Variants in RNFT2 observed in about 807,000 individuals in gnomAD.
RNFT2 encodes the protein E3 ubiquitin-protein ligase RNFT2.
Under a neutral mutation model 53.0 loss-of-function variants are expected in RNFT2, and 36 were observed. The ratio of observed to expected loss-of-function variants is 0.68; its 90% CI spans 0.52 to 0.90. The LOEUF is 0.90. Ranked by LOEUF, RNFT2 falls within the 40% of genes least tolerant of loss-of-function variation. The pLI is 0.00. For synonymous variants in RNFT2, 260 were observed against 253.2 expected, an observed-to-expected ratio of 1.03 and a Z score of -0.26; for missense variants, 514 against 585.6, an observed-to-expected ratio of 0.88 and a Z score of 1.26.
At chr12:116,783,947 G>C (rs74331018) in intron 7 of RNFT2, among the ~76,000 whole-genome samples, 1 of 152,178 alleles carries the variant, frequency 6.6e-6, no homozygotes, top group African/African-American at 2.4e-5. Context: ...CAAACTCATT[G>C]AGTCATGACC....
At position 116,836,007 on chromosome 12, in the gene RNFT2, G is replaced by C. The variant is rs1349081553; in HGVS notation, c.1080G>C (p.Lys360Asn). The part of the protein sequence containing the change: ...GRVGGVRKAL[K>N]LLCTSQNYGV... ...TGGGCGGAGTTAGGAAAGCCCTGAAGCTTCTCTGTACCTCTCAGGTGAGTT... is the reference window on the plus strand; with the variant it reads ...TGGGCGGAGTTAGGAAAGCCCTGAACCTTCTCTGTACCTCTCAGGTGAGTT... The change falls in exon 9 of 11, where the codon AAG (lysine) becomes AAC (asparagine). Residue 360 changes from lysine (K) to asparagine (N), a missense_variant. By Grantham distance (94) the Lys-to-Asn change is moderately conservative. Coordinates refer to ENST00000257575, the MANE Select transcript of RNFT2 (RefSeq NM_001382266.1). 1.9e-6 allele frequency: 3 copies of C among 1,613,998 alleles called. No homozygotes were observed. The Admixed American group carries it at 5.0e-5, about 27-fold the overall frequency.
At chr12:116,783,264 C>T (rs558530217) in intron 7 of RNFT2, among the ~76,000 whole-genome samples, 12 of 152,334 alleles carry the variant, frequency 7.9e-5, no homozygotes, top group African/African-American at 2.6e-4. Flanking sequence ...GCTGTCTGAC[C>T]TCTGAGAATC....
At chr12:116,821,934 A>G (rs895892645) in intron 7 of RNFT2, among the ~76,000 whole-genome samples, 1 of 147,342 alleles carries the variant, frequency 6.8e-6, no homozygotes, top group Non-Finnish European at 1.5e-5. Context: ...TCCCGGGTTC[A>G]AGCCATTCTC....
intron 7 of RNFT2, among the ~76,000 whole-genome samples, chr12:116,820,482 G>A (rs775513239): frequency 1.1e-4 from 17 of 152,170 alleles, no homozygotes; most frequent in African/African-American, 3.1e-4. Context: ...GATTGGCTGT[G>A]GTGGATATGG....
intron 3 of RNFT2, among the ~76,000 whole-genome samples, chr12:116,744,225 C>A (rs75518948): frequency 0.025 from 2,498 of 98,940 alleles, no homozygotes; most frequent in African/African-American, 0.045. Context: ...GACTCCTCCT[C>A]AAAAAAAAAA....
chr12:116,761,312 C>A (rs1246571323), intron 5 of RNFT2, among the ~76,000 whole-genome samples: 3 of 151,374 alleles, frequency 2.0e-5, no homozygotes, highest in Admixed American at 6.6e-5. Flanking sequence ...CCACGCCTAG[C>A]TAATTTTGTA....
intron 7 of RNFT2, among the ~76,000 whole-genome samples, chr12:116,784,852 A>G (rs574708092): frequency 2.6e-5 from 4 of 151,684 alleles, no homozygotes; most frequent in African/African-American, 7.3e-5. Flanking sequence ...GTCCACTCCA[A>G]CCCCCTCCAC....
At chr12:116,811,896 A>T (rs958271145) in intron 7 of RNFT2, among the ~76,000 whole-genome samples, 4 of 152,160 alleles carry the variant, frequency 2.6e-5, no homozygotes, top group Non-Finnish European at 4.4e-5. Flanking sequence ...AGTTACCAAT[A>T]GGCACCAGCC....
At chr12:116,796,002 G>A (rs1447116212) in intron 7 of RNFT2, among the ~76,000 whole-genome samples, 2 of 151,908 alleles carry the variant, frequency 1.3e-5, no homozygotes, top group African/African-American at 2.4e-5. Flanking sequence ...TCTGCCTCCC[G>A]GGTTCAAGTG....
intron 7 of RNFT2, among the ~76,000 whole-genome samples, chr12:116,828,825 C>T (rs1333610789): frequency 6.6e-6 from 1 of 151,862 alleles, no homozygotes; most frequent in Non-Finnish European, 1.5e-5. Flanking sequence ...TAGGGGTGCA[C>T]TGAATGTAGG....
rs1206810004 is a variant in RNFT2, at chr12:116,779,362, G to A, written c.882+14G>A. On this transcript the variant is annotated intron_variant, in intron 7 of 10. Coordinates refer to ENST00000257575, the MANE Select transcript of RNFT2 (RefSeq NM_001382266.1). ...GTCAAGTCCAAGGTAGGCACTGGCT[G>A]CGGCCACAAGGTAGCCCCAGTCACA... 4 of 1,613,688 alleles carry A rather than the reference G, an allele frequency of 2.5e-6. No individual in the cohort carries two copies. The highest frequency in any genetic ancestry group is 2.5e-6 in the Non-Finnish European group (3 of 1,179,810).
At chr12:116,766,780 C>G (rs915807341) in intron 5 of RNFT2, 34 bp from the exon 6 acceptor site, 1 of 1,512,076 alleles carries the variant, frequency 6.6e-7, no homozygotes, top group Admixed American at 1.9e-5. Context: ...CCACATGCAC[C>G]TTTGATATCA....
intron 7 of RNFT2, among the ~76,000 whole-genome samples, chr12:116,814,881 C>T (rs759025561): frequency 4.6e-5 from 7 of 152,160 alleles, no homozygotes; most frequent in Middle Eastern, 3.4e-3. Flanking sequence ...GTTTCACCTG[C>T]GTGCAAGCAT....
chr12:116,750,920 G>A (rs1465580438), intron 4 of RNFT2, among the ~76,000 whole-genome samples: 1 of 94,202 alleles, frequency 1.1e-5, no homozygotes, highest in South Asian at 3.1e-4. Flanking sequence ...TTTTTTTTGA[G>A]ACAGGGTCTT....
chr12:116,782,993 A>G (rs1019755004), intron 7 of RNFT2, among the ~76,000 whole-genome samples: 8 of 152,196 alleles, frequency 5.3e-5, no homozygotes, highest in South Asian at 4.1e-4. Flanking sequence ...TCATGGCGAG[A>G]ACAGAGTTTA....
intron 5 of RNFT2, among the ~76,000 whole-genome samples, chr12:116,759,785 C>A (rs369457621): frequency 6.6e-6 from 1 of 152,080 alleles, no homozygotes; most frequent in Non-Finnish European, 1.5e-5. Flanking sequence ...CAATGGACTC[C>A]GTGAGGGTTC....
At chr12:116,797,615 A>G (rs1463072500) in intron 7 of RNFT2, among the ~76,000 whole-genome samples, 2 of 151,806 alleles carry the variant, frequency 1.3e-5, no homozygotes, top group African/African-American at 4.8e-5. Flanking sequence ...AGAGGGGCTT[A>G]GACTGTGAGG....
chr12:116,828,656 G>GAAGA (rs1876476216), intron 7 of RNFT2, among the ~76,000 whole-genome samples: 1 of 152,054 alleles, frequency 6.6e-6, no homozygotes, highest in Non-Finnish European at 1.5e-5. Flanking sequence ...TGGGAGGGAA[G>GAAGA]AAGAAAGGGA....
chr12:116,771,348 T>C (rs1317640064), intron 6 of RNFT2, among the ~76,000 whole-genome samples: 1 of 150,792 alleles, frequency 6.6e-6, no homozygotes, highest in African/African-American at 2.4e-5. Context: ...TAGTCCCCGC[T>C]ACCCTGGAGA....
Sources: allele counts gnomAD v4.1 joint callset (sites outside exome capture counted in the v4.1 genomes callset), GRCh38; gene constraint gnomAD v4.1.1; transcripts MANE v1.5; gene names NCBI Gene and HGNC (gene_info 2026-07-23, HGNC 2026-07-21).